ANKRD6: variants seen among roughly 807,000 people sequenced by gnomAD.
The protein encoded by ANKRD6 is ankyrin repeat domain 6.
A neutral mutation model predicts 82.3 loss-of-function variants in ANKRD6; 56 were observed. That is an observed-to-expected ratio of 0.68 (90% confidence interval 0.55 to 0.85). The LOEUF (loss-of-function observed/expected upper bound fraction) is 0.85. ANKRD6 is among the 40% of genes least tolerant of loss of function. ANKRD6 has a pLI of 0.00. For synonymous variants in ANKRD6, 347 were observed against 352.1 expected (o/e 0.99, Z 0.16); for missense variants, 852 against 907.6 (o/e 0.94, Z 0.79).
At chr6:89,464,107 CT>C (rs1562560148) in intron 1 of ANKRD6, among the ~76,000 whole-genome samples, 1 of 152,108 alleles carries the variant, frequency 6.6e-6, no homozygotes, top group African/African-American at 2.4e-5. Context: ...CAAAATAATT[CT>C]TTATGAACTC....
chr6:89,532,883 T>C (rs1783352395), intron 1 of ANKRD6, among the ~76,000 whole-genome samples: 1 of 151,346 alleles, frequency 6.6e-6, no homozygotes, highest in Non-Finnish European at 1.5e-5. Flanking sequence ...TTGTATTTTT[T>C]TTTTTTTTTG....
At chr6:89,603,870 G>T (rs1797872300) in intron 4 of ANKRD6, among the ~76,000 whole-genome samples, 1 of 152,198 alleles carries the variant, frequency 6.6e-6, no homozygotes, top group Non-Finnish European at 1.5e-5. Context: ...GCGTGGTAGT[G>T]TACACACCTG....
intron 1 of ANKRD6, among the ~76,000 whole-genome samples, chr6:89,527,827 T>G (rs1280501330): frequency 6.6e-6 from 1 of 152,020 alleles, no homozygotes; most frequent in East Asian, 1.9e-4. Flanking sequence ...TGTTTTGTTT[T>G]TTGACAGAGT....
At chr6:89,434,967 A>G (rs181017244) in intron 1 of ANKRD6, among the ~76,000 whole-genome samples, 1 of 152,302 alleles carries the variant, frequency 6.6e-6, no homozygotes, top group Non-Finnish European at 1.5e-5. Flanking sequence ...GGTATAAACC[A>G]ATGGTAATTT....
chr6:89,452,807 A>G (rs999045784), intron 1 of ANKRD6, among the ~76,000 whole-genome samples: 1 of 152,202 alleles, frequency 6.6e-6, no homozygotes, highest in African/African-American at 2.4e-5. Context: ...GGCAGGTTTT[A>G]AAGAGAGGAG....
At chr6:89,499,177 T>C (rs1474482345) in intron 1 of ANKRD6, among the ~76,000 whole-genome samples, 3 of 152,200 alleles carry the variant, frequency 2.0e-5, no homozygotes, top group South Asian at 4.1e-4. Context: ...AGCAGCCTTT[T>C]TGAAAACATG....
At chr6:89,520,024 G>A (rs1781700100) in intron 1 of ANKRD6, among the ~76,000 whole-genome samples, 1 of 152,176 alleles carries the variant, frequency 6.6e-6, no homozygotes, top group South Asian at 2.1e-4. Flanking sequence ...ATCTCGCTCT[G>A]TTGCTCAGGC....
intron 1 of ANKRD6, among the ~76,000 whole-genome samples, chr6:89,467,952 TA>T (rs1775033597): frequency 6.6e-6 from 1 of 152,246 alleles, no homozygotes; most frequent in Non-Finnish European, 1.5e-5. Context: ...TTTTGGAATT[TA>T]AAACAGCCAT....
intron 1 of ANKRD6, among the ~76,000 whole-genome samples, chr6:89,442,763 G>T (rs1181888284): frequency 6.6e-6 from 1 of 152,042 alleles, no homozygotes; most frequent in African/African-American, 2.4e-5. Flanking sequence ...TCAGTAGACA[G>T]AAGTCTCTGG....
At chr6:89,603,177 G>A in intron 4 of ANKRD6, 50 bp downstream of exon 4, 1 of 1,534,160 alleles carries the variant, frequency 6.5e-7, no homozygotes. Flanking sequence ...GAAGCCAGTG[G>A]CTCAGGGGAG....
Position 89,612,378 on chromosome 6 carries a change from A to G in ANKRD6, c.516+8A>G. ...GCTGACCTCAAAAATAATGTGGGTG[A>G]ACAAAACCAGATTCTCACGTTCTCT... On this transcript the variant is annotated splice_region_variant and intron_variant, in intron 6 of 15. Transcript: ENST00000339746. The G allele has an allele frequency of 1.9e-6, 3 of 1,542,974 alleles. No individual in the cohort carries two copies. The highest frequency in any genetic ancestry group is 2.6e-6 in the Non-Finnish European group (3 of 1,138,690).
intron 2 of ANKRD6, among the ~76,000 whole-genome samples, chr6:89,583,387 A>G (rs548431501): frequency 2.0e-5 from 3 of 152,356 alleles, no homozygotes; most frequent in African/African-American, 4.8e-5. Flanking sequence ...TGGCTTGTCT[A>G]TGAGATAATG....
Position 89,631,827 on chromosome 6 carries a change from T to C in ANKRD6, c.*823T>C, listed in dbSNP as rs1807465583. 1 of 152,244 alleles carries C rather than the reference T, an allele frequency of 6.6e-6. No homozygotes were observed. The highest frequency in any genetic ancestry group is 1.5e-5 in the Non-Finnish European group (1 of 68,036). 9.4% of individuals were successfully genotyped at this position (152,244 alleles called of 1,614,324 possible). On this transcript the variant is annotated 3_prime_UTR_variant, in exon 16 of 16. Transcript: ENST00000339746. The stretch of plus-strand genomic sequence containing the variant: ...CTAATCAAACCCAATTATATCAGAA[T>C]ACCTTTCTGAATTTGAGATTTTTGC...
At chr6:89,472,416 G>A (rs188077694) in intron 1 of ANKRD6, among the ~76,000 whole-genome samples, 7 of 152,206 alleles carry the variant, frequency 4.6e-5, no homozygotes, top group African/African-American at 1.7e-4. Flanking sequence ...ATATACATTG[G>A]AAATCATTTT....
chr6:89,533,133 C>G (rs1783391355), intron 1 of ANKRD6, among the ~76,000 whole-genome samples: 1 of 152,082 alleles, frequency 6.6e-6, no homozygotes, highest in African/African-American at 2.4e-5. Flanking sequence ...CCTCGGCCTC[C>G]CAAAGTGGTG....
In ANKRD6 at chr6:89,631,648, A is replaced by G. The variant is rs1042693103; in HGVS notation, c.*644A>G. The G allele has an allele frequency of 1.1e-4, 16 of 152,224 alleles. No individual in the cohort carries two copies. The highest frequency in any genetic ancestry group is 3.6e-4 in the African/African-American group (15 of 41,476). 9.4% of individuals were successfully genotyped at this position (152,224 alleles called of 1,614,324 possible). A position where few individuals can be genotyped will look rare whatever the true frequency, so the allele number is the denominator to read the frequency against. ...TTATTTAAATAATGAATAATTGGCTAACAGCTCTGGAAACAATGAGATCAA... is the reference window on the plus strand; with the variant it reads ...TTATTTAAATAATGAATAATTGGCTGACAGCTCTGGAAACAATGAGATCAA... On this transcript the variant is annotated 3_prime_UTR_variant, in exon 16 of 16. Coordinates refer to ENST00000339746, the MANE Select transcript of ANKRD6 (RefSeq NM_001242809.2).
chr6:89,440,880 G>A (rs1771288918), intron 1 of ANKRD6, among the ~76,000 whole-genome samples: 1 of 151,912 alleles, frequency 6.6e-6, no homozygotes, highest in African/African-American at 2.4e-5. Context: ...CTTGATGCCT[G>A]TTTCATTCCT....
At chr6:89,533,913 C>T (rs1016595079) in intron 1 of ANKRD6, among the ~76,000 whole-genome samples, 1 of 151,950 alleles carries the variant, frequency 6.6e-6, no homozygotes, top group African/African-American at 2.4e-5. Context: ...GTACCTGGTC[C>T]AATAAAAAGA....
rs528263323 is a variant in ANKRD6 at position 89,594,970 on chromosome 6, G to A, written c.121-946G>A. Among the ~76,000 whole-genome samples the A allele has an allele frequency of 4.6e-5, 7 of 152,184 alleles. No homozygotes were observed. In the South Asian group the frequency reaches 1.2e-3, roughly 27 times the overall value. ...TCTCGCTGTGTTGCCCAGGCTGATC[G>A]CAAACCCCTGGCATCAAGTGATCCT... is the stretch of plus-strand genomic sequence containing the variant. On this transcript the variant is annotated intron_variant, in intron 2 of 15. Transcript: ENST00000339746.
Sources: gnomAD v4.1 joint callset for allele counts (sites outside exome capture counted in the v4.1 genomes callset) on GRCh38, gnomAD v4.1.1 for gene constraint, MANE v1.5 for transcripts, NCBI Gene and HGNC (gene_info 2026-07-23, HGNC 2026-07-21) for gene names.